The following XKR6 variants were observed in gnomAD, a reference collection of about 807,000 sequenced individuals.
XKR6 encodes the protein XK-related protein 6.
XKR6 carries 22 observed loss-of-function variants against 56.7 expected under a neutral mutation model. The ratio of observed to expected loss-of-function variants is 0.39; its 90% confidence interval spans 0.28 to 0.55. XKR6 has a LOEUF of 0.55. Ranked by LOEUF, XKR6 falls within the 20% of genes least tolerant of loss-of-function variation. The pLI is 0.66. For missense variants in XKR6, 852 were observed against 889.0 expected, an observed-to-expected ratio of 0.96 and a Z score of 0.53; for synonymous variants, 524 against 387.8, an observed-to-expected ratio of 1.35 and a Z score of -4.13.
At chr8:10,993,530 C>T (rs890858703) in intron 1 of XKR6, among the ~76,000 whole-genome samples, 3 of 152,226 alleles carry the variant, frequency 2.0e-5, no homozygotes, top group African/African-American at 7.2e-5. Flanking sequence ...TCAGGGTGGA[C>T]ACGCTGCAGT....
chr8:11,083,506 C>A (rs1434018866), intron 1 of XKR6, among the ~76,000 whole-genome samples: 3 of 152,160 alleles, frequency 2.0e-5, no homozygotes, highest in Admixed American at 6.5e-5. Context: ...TATTACACCC[C>A]CCGTTGAGCT....
chr8:11,171,710 G>C (rs1460366047), intron 1 of XKR6, among the ~76,000 whole-genome samples: 1 of 152,150 alleles, frequency 6.6e-6, no homozygotes, highest in Non-Finnish European at 1.5e-5. Context: ...CGTGCTTCTT[G>C]TACAACCTGC....
At chr8:11,143,257 T>C (rs17781714) in intron 1 of XKR6, among the ~76,000 whole-genome samples, 2,690 of 152,184 alleles carry the variant, frequency 0.018, 185 homozygotes, top group Admixed American at 0.13. Context: ...TACTCAAAAC[T>C]CTCATGAAGA....
At chr8:10,978,559 C>T (rs7010719) in intron 1 of XKR6, among the ~76,000 whole-genome samples, 86,159 of 152,126 alleles carry the variant, frequency 0.57, 27,223 homozygotes, top group African/African-American at 0.83. Flanking sequence ...GTGCATTCTC[C>T]TCCAGAGAAA....
chr8:10,913,268 A>G (rs539196653), intron 2 of XKR6, among the ~76,000 whole-genome samples: 2 of 151,972 alleles, frequency 1.3e-5, no homozygotes, highest in Non-Finnish European at 2.9e-5. Context: ...CAGGACAGAG[A>G]TCCATCTGCC....
At chr8:11,009,741 G>A (rs1324590615) in intron 1 of XKR6, among the ~76,000 whole-genome samples, 4 of 152,182 alleles carry the variant, frequency 2.6e-5, no homozygotes. Flanking sequence ...TGGCACAGAA[G>A]AAAGGACATC....
At chr8:11,154,040 T>C (rs888453720) in intron 1 of XKR6, among the ~76,000 whole-genome samples, 1 of 152,236 alleles carries the variant, frequency 6.6e-6, no homozygotes, top group Non-Finnish European at 1.5e-5. Flanking sequence ...GGAAAGAAGC[T>C]GGCCTTGCCG....
In XKR6 at chr8:11,178,530, A is replaced by C. The variant is rs981983346; in HGVS notation, c.764+22046T>G. On this transcript the variant is annotated intron_variant, in intron 1 of 2. Coordinates refer to ENST00000416569, the MANE Select transcript of XKR6 (RefSeq NM_173683.4). Reference sequence around the variant, plus strand: ...AAACCACACCAAATTTTTAAGTCCAAACATCTGAGAGGTAAAAATATATAT... The same window carrying C: ...AAACCACACCAAATTTTTAAGTCCACACATCTGAGAGGTAAAAATATATAT... Among the ~76,000 whole-genome samples, 25 of 140,060 alleles carry C rather than the reference A, an allele frequency of 1.8e-4. 1 individual carries two copies. In the South Asian group the frequency reaches 5.4e-3, roughly 30 times the overall value. 91.9% of individuals were successfully genotyped at this position (140,060 alleles called of 152,430 possible). A position where few individuals can be genotyped will look rare whatever the true frequency, so the allele number is the denominator to read the frequency against.
chr8:11,085,841 G>A (rs1047848484), intron 1 of XKR6, among the ~76,000 whole-genome samples: 3 of 152,186 alleles, frequency 2.0e-5, no homozygotes, highest in Non-Finnish European at 2.9e-5. Context: ...GCAAGGGCCT[G>A]CAGATGCCCT....
intron 1 of XKR6, chr8:11,194,972 T>C (rs1391934266): frequency 5.5e-6 from 3 of 542,100 alleles, no homozygotes; most frequent in African/African-American, 3.9e-5. Context: ...AAATTTACCA[T>C]AAATGTCAAG....
chr8:11,091,214 T>G (rs890559590), intron 1 of XKR6, among the ~76,000 whole-genome samples: 1 of 152,144 alleles, frequency 6.6e-6, no homozygotes, highest in African/African-American at 2.4e-5. Flanking sequence ...GAGGATCGCT[T>G]GAGTCCAGAA....
chr8:11,078,534 T>C (rs886906019), intron 1 of XKR6, among the ~76,000 whole-genome samples: 3 of 152,162 alleles, frequency 2.0e-5, no homozygotes, highest in Non-Finnish European at 2.9e-5. Flanking sequence ...TGGTGAATCC[T>C]TGAGTCCTAA....
At chr8:11,008,964 G>C (rs1798438361) in intron 1 of XKR6, among the ~76,000 whole-genome samples, 2 of 152,172 alleles carry the variant, frequency 1.3e-5, no homozygotes, top group South Asian at 4.2e-4. Context: ...CTCAGAAAGA[G>C]CAAGGACCTG....
intron 1 of XKR6, among the ~76,000 whole-genome samples, chr8:11,171,326 C>A (rs1481434849): frequency 6.6e-6 from 1 of 152,218 alleles, no homozygotes; most frequent in Non-Finnish European, 1.5e-5. Context: ...GGAAAAATAT[C>A]CTGTCGTCTA....
chr8:11,013,497 G>A (rs1434564151), intron 1 of XKR6, among the ~76,000 whole-genome samples: 1 of 152,222 alleles, frequency 6.6e-6, no homozygotes, highest in Non-Finnish European at 1.5e-5. Flanking sequence ...CAGCCTGGCA[G>A]AGGTGGGTTC....
At chr8:11,177,957 G>A (rs1348741805) in intron 1 of XKR6, among the ~76,000 whole-genome samples, 2 of 152,182 alleles carry the variant, frequency 1.3e-5, no homozygotes, top group Non-Finnish European at 2.9e-5. Context: ...GACATGGAAA[G>A]CCTGAAGTCT....
chr8:11,107,165 G>A (rs905062030), intron 1 of XKR6, among the ~76,000 whole-genome samples: 4 of 150,438 alleles, frequency 2.7e-5, no homozygotes, highest in Non-Finnish European at 3.0e-5. Context: ...ACTTGGCAAA[G>A]AAAAGCAACA....
At chr8:11,178,872 G>A (rs531150245) in intron 1 of XKR6, among the ~76,000 whole-genome samples, 1 of 151,290 alleles carries the variant, frequency 6.6e-6, no homozygotes, top group Non-Finnish European at 1.5e-5. Flanking sequence ...GTCTCACTCA[G>A]GCACCCAGGT....
In XKR6 at chr8:11,178,566, A is replaced by ATGTG. The variant is rs1431113485; in HGVS notation, c.764+22009_764+22010insCACA. The stretch of plus-strand genomic sequence containing the variant: ...GGTAAAAATATATATATATATATAT[A>ATGTG]TATATATGTATATATATATGTACTA... On this transcript the variant is annotated intron_variant, in intron 1 of 2. Coordinates refer to ENST00000416569, the MANE Select transcript of XKR6 (RefSeq NM_173683.4). Among the ~76,000 whole-genome samples the ATGTG allele has an allele frequency of 2.9e-5, 4 of 139,506 alleles. 1 individual carries two copies. Among genetic ancestry groups the ATGTG allele is most frequent in the South Asian group, 4.6e-4 (2 of 4,380 alleles). 91.5% of individuals were successfully genotyped at this position (139,506 alleles called of 152,430 possible). A position where few individuals can be genotyped will look rare whatever the true frequency, so the allele number is the denominator to read the frequency against.
Sources: allele counts gnomAD v4.1 joint callset (sites outside exome capture counted in the v4.1 genomes callset), GRCh38; gene constraint gnomAD v4.1.1; transcripts MANE v1.5; gene names NCBI Gene and HGNC (gene_info 2026-07-23, HGNC 2026-07-21).